SDHB: variants seen among roughly 807,000 people sequenced by gnomAD.
SDHB encodes succinate dehydrogenase [ubiquinone] iron-sulfur subunit, mitochondrial.
Under a neutral mutation model 39.7 loss-of-function variants are expected in SDHB, and 21 were observed. The ratio of observed to expected loss-of-function variants is 0.53; its 90% confidence interval spans 0.37 to 0.76. SDHB has a LOEUF of 0.76. SDHB is among the 30% of genes least tolerant of loss of function. The probability of loss-of-function intolerance (pLI) is 0.00; values close to 1 mark genes in which losing one functional copy is unlikely to be tolerated. For synonymous variants in SDHB, 118 were observed against 117.0 expected, an observed-to-expected ratio of 1.01 and a Z score of -0.06; for missense variants, 343 against 350.9, an observed-to-expected ratio of 0.98 and a Z score of 0.18.
At chr1:17,036,480 A>C (rs2078050623) in intron 2 of SDHB, among the ~76,000 whole-genome samples, 2 of 151,910 alleles carry the variant, frequency 1.3e-5, no homozygotes, top group Admixed American at 1.3e-4. Flanking sequence ...AGCCCAGCTA[A>C]CTTTTTTTGT....
chr1:17,027,975 T>C (rs903103716), intron 4 of SDHB, 110 bp from the exon 5 acceptor site: 11 of 718,136 alleles, frequency 1.5e-5, no homozygotes, highest in Non-Finnish European at 2.8e-5. Flanking sequence ...GTCCACTCTA[T>C]GCCAGGCAGA....
intron 2 of SDHB, among the ~76,000 whole-genome samples, chr1:17,043,717 GA>G (rs2078093656): frequency 6.6e-6 from 1 of 152,120 alleles, no homozygotes; most frequent in East Asian, 1.9e-4. Flanking sequence ...ATGTGAAGAA[GA>G]ACTCAACCTG....
intron 2 of SDHB, among the ~76,000 whole-genome samples, chr1:17,041,701 A>G (rs2078080990): frequency 6.6e-6 from 1 of 152,170 alleles, no homozygotes; most frequent in African/African-American, 2.4e-5. Flanking sequence ...AAAAATTAAT[A>G]TGCTGTAGAG....
intron 1 of SDHB, 175 bp from the exon 2 acceptor site, chr1:17,045,063 C>T (rs2078102135): frequency 1.6e-6 from 1 of 623,860 alleles, no homozygotes; most frequent in Admixed American, 2.7e-5. Flanking sequence ...CTATCATATG[C>T]TAATATATCA....
intron 2 of SDHB, 143 bp from the exon 3 acceptor site, chr1:17,033,288 G>GT (rs2078033329): frequency 1.4e-6 from 1 of 711,668 alleles, no homozygotes; most frequent in Non-Finnish European, 2.5e-6. Flanking sequence ...CTGTAGTTTT[G>GT]TTTTTGCAGA....
chr1:17,045,216 C>T (rs1392975178), intron 1 of SDHB: 1 of 346,264 alleles, frequency 2.9e-6, no homozygotes, highest in Non-Finnish European at 5.6e-6. Context: ...GTACAGGGAG[C>T]TCTGGATGAA....
At chr1:17,036,345 C>T (rs1374506818) in intron 2 of SDHB, among the ~76,000 whole-genome samples, 3 of 152,052 alleles carry the variant, frequency 2.0e-5, no homozygotes, top group South Asian at 4.1e-4. Context: ...CTCACTCTGT[C>T]GCCCAGGCTG....
In SDHB at chr1:17,018,800, A is replaced by G; in HGVS notation, c.*81T>C. 1 of 1,005,606 alleles carries G rather than the reference A, an allele frequency of 9.9e-7. No homozygotes were observed. 62.3% of individuals were successfully genotyped at this position (1,005,606 alleles called of 1,614,324 possible). ...TACATGCTGTATTCATGGAAAACCA[A>G]GATCTTTAAAGGAACTCAAATTAGA... On this transcript the variant is annotated 3_prime_UTR_variant, in exon 8 of 8. Coordinates refer to ENST00000375499, the MANE Select transcript of SDHB (RefSeq NM_003000.3).
In SDHB at chr1:17,027,821, A is replaced by G. The variant is rs199718947; in HGVS notation, c.468T>C (p.Tyr156=). 4.3e-6 allele frequency: 7 copies of G among 1,613,458 alleles called. No individual in the cohort carries two copies. Among genetic ancestry groups the G allele is most frequent in the East Asian group, 2.2e-5 (1 of 44,868 alleles). ...CCTGAGATTCATCCTTCTTCTTCAA[A>G]TAAGGCTCAATGGATTTGTACTGTG... ...FYAQYKSIEP[Y]LKKKDESQEG... The change falls in exon 5 of 8, where the codon TAT becomes TAC. Residue 156 remains tyrosine, a synonymous_variant. Transcript: ENST00000375499.
At chr1:17,024,456 T>C (rs2077981207) in intron 5 of SDHB, among the ~76,000 whole-genome samples, 1 of 152,206 alleles carries the variant, frequency 6.6e-6, no homozygotes, top group Non-Finnish European at 1.5e-5. Flanking sequence ...CAAGAGTCTG[T>C]AGCTGCTTCT....
chr1:17,023,167 TAATGATTCTTTG>T, intron 6 of SDHB: 1 of 300,264 alleles, frequency 3.3e-6, no homozygotes, highest in East Asian at 8.4e-5. Context: ...TTGTCCCACT[TAATGATTCTTTG>T]AACTTACACA....
At chr1:17,037,943 C>A (rs1422568423) in intron 2 of SDHB, among the ~76,000 whole-genome samples, 1 of 152,106 alleles carries the variant, frequency 6.6e-6, no homozygotes, top group Non-Finnish European at 1.5e-5. Context: ...TCGAGACCAG[C>A]CTGACCAACA....
At chr1:17,026,108 T>C (rs2077989756) in intron 5 of SDHB, among the ~76,000 whole-genome samples, 1 of 152,244 alleles carries the variant, frequency 6.6e-6, no homozygotes, top group Middle Eastern at 3.4e-3. Flanking sequence ...TAATACCACA[T>C]CAGGGAGATG....
At chr1:17,023,107 G>A in intron 6 of SDHB, 1 of 339,814 alleles carries the variant, frequency 2.9e-6, no homozygotes. Context: ...TGCTGGACTT[G>A]CTGTCTCTGA....
intron 2 of SDHB, among the ~76,000 whole-genome samples, chr1:17,037,210 T>C (rs2078055019): frequency 6.6e-6 from 1 of 152,154 alleles, no homozygotes; most frequent in East Asian, 1.9e-4. Flanking sequence ...TAAACTACAT[T>C]TGATTTCTGT....
chr1:17,030,264 G>C (rs1427080586), intron 3 of SDHB, among the ~76,000 whole-genome samples: 1 of 151,906 alleles, frequency 6.6e-6, no homozygotes, highest in African/African-American at 2.4e-5. Flanking sequence ...TCTAACTCAC[G>C]GCCTCAAGTA....
intron 1 of SDHB, among the ~76,000 whole-genome samples, chr1:17,047,019 C>A (rs1425484728): frequency 6.6e-6 from 1 of 152,090 alleles, no homozygotes; most frequent in Non-Finnish European, 1.5e-5. Context: ...GCCTGGCCAA[C>A]CTTTTTATTT....
intron 2 of SDHB, among the ~76,000 whole-genome samples, chr1:17,037,146 G>A (rs1032003546): frequency 1.3e-5 from 2 of 151,970 alleles, no homozygotes; most frequent in Non-Finnish European, 2.9e-5. Context: ...ATAAAATGAA[G>A]ACTGACAGAC....
chr1:17,040,151 G>A (rs1336780365), intron 2 of SDHB, among the ~76,000 whole-genome samples: 2 of 151,938 alleles, frequency 1.3e-5, no homozygotes, highest in Non-Finnish European at 1.5e-5. Context: ...CTGTCTCTTG[G>A]CCTCTAGTTT....
Sources: gnomAD v4.1 joint callset for allele counts (sites outside exome capture counted in the v4.1 genomes callset) on GRCh38, gnomAD v4.1.1 for gene constraint, MANE v1.5 for transcripts, NCBI Gene and HGNC (gene_info 2026-07-23, HGNC 2026-07-21) for gene names.